ANKS1B: variants seen among roughly 807,000 people sequenced by gnomAD.
The protein encoded by ANKS1B is ankyrin repeat and sterile alpha motif domain-containing protein 1B.
In ANKS1B, 36 loss-of-function variants were observed where a neutral mutation model predicts 148.3. The ratio of observed to expected loss-of-function variants is 0.24; its 90% confidence interval spans 0.19 to 0.32. ANKS1B has a LOEUF of 0.32. Ranked by LOEUF, ANKS1B falls within the 10% of genes least tolerant of loss-of-function variation. The pLI is 1.00. For missense variants in ANKS1B, 1,157 were observed against 1,542.6 expected (o/e 0.75, Z 4.19); for synonymous variants, 542 against 560.8 (o/e 0.97, Z 0.47).
At chr12:98,916,409 C>T (rs777876721) in intron 17 of ANKS1B, among the ~76,000 whole-genome samples, 3 of 152,186 alleles carry the variant, frequency 2.0e-5, no homozygotes, top group South Asian at 2.1e-4. Flanking sequence ...GTGGTGGAGG[C>T]GGCAGTCTAT....
At chr12:99,041,803 CA>C (rs2099959173) in intron 17 of ANKS1B, among the ~76,000 whole-genome samples, 1 of 152,084 alleles carries the variant, frequency 6.6e-6, no homozygotes, top group Admixed American at 6.5e-5. Flanking sequence ...GAGTTCACAA[CA>C]AGCCTAGGTA....
chr12:99,685,405 G>A (rs1235210380), intron 8 of ANKS1B, among the ~76,000 whole-genome samples: 1 of 152,034 alleles, frequency 6.6e-6, no homozygotes, highest in East Asian at 1.9e-4. Flanking sequence ...CCAGAAGAAT[G>A]GCCATAATTA....
Position 99,545,422 on chromosome 12 carries a change from A to G in ANKS1B, c.1273-40781T>C, listed in dbSNP as rs76671304. On this transcript the variant is annotated intron_variant, in intron 9 of 26. Transcript: ENST00000683438. ...CTAAAAGGCGAAGCAAAACATAGAC[A>G]ATATCCCCTTGAATGATTCATAATA... Among the ~76,000 whole-genome samples the G allele has an allele frequency of 7.9e-5, 12 of 152,276 alleles. No individual in the cohort carries two copies. The East Asian group carries it at 2.3e-3, about 29-fold the overall frequency.
chr12:99,722,427 G>A (rs2058176573), intron 8 of ANKS1B, among the ~76,000 whole-genome samples: 2 of 152,202 alleles, frequency 1.3e-5, no homozygotes, highest in Non-Finnish European at 2.9e-5. Flanking sequence ...TAAGAACGAT[G>A]TTAAATGTAC....
At chr12:99,723,221 C>T (rs1023025414) in intron 8 of ANKS1B, among the ~76,000 whole-genome samples, 1 of 152,212 alleles carries the variant, frequency 6.6e-6, no homozygotes, top group Non-Finnish European at 1.5e-5. Context: ...CAGCAGCCAG[C>T]ACTGGGACTG....
Position 99,694,493 on chromosome 12 carries a change from A to G in ANKS1B, c.1129-39283T>C, listed in dbSNP as rs188822261. Among the ~76,000 whole-genome samples the G allele has an allele frequency of 6.1e-4, 93 of 152,092 alleles. No homozygotes were observed. The East Asian group carries it at 0.012, about 20-fold the overall frequency. On this transcript the variant is annotated intron_variant, in intron 8 of 26. Transcript: ENST00000683438. ...GGATGGACTTACCCTCTATTTTCCA[A>G]CCATCTGTAATATTTCTATATGGAG...
At chr12:99,127,344 T>A (rs1282400078) in intron 15 of ANKS1B, among the ~76,000 whole-genome samples, 2 of 152,128 alleles carry the variant, frequency 1.3e-5, no homozygotes, top group Non-Finnish European at 2.9e-5. Context: ...GATTACTTTT[T>A]TTTTTAAAGC....
rs190652206 is a variant in ANKS1B, at chr12:98,896,648, A to G, written c.2779-64512T>C. Reference sequence around the variant, plus strand: ...AGACTAGATGTCTAATTCACTTGCTATACATGTAACATGTAAAATAAAAAA... The same window carrying G: ...AGACTAGATGTCTAATTCACTTGCTGTACATGTAACATGTAAAATAAAAAA... On this transcript the variant is annotated intron_variant, in intron 17 of 26. Coordinates refer to ENST00000683438, the MANE Select transcript of ANKS1B (RefSeq NM_001352186.2). 1.7e-3 allele frequency among the ~76,000 whole-genome samples: 257 copies of G among 152,384 alleles called. 1 individual carries two copies. Among genetic ancestry groups the G allele is most frequent in the Non-Finnish European group, 2.8e-3 (189 of 68,034 alleles).
chr12:99,555,533 G>A lies in ANKS1B; in HGVS notation c.1273-50892C>T, dbSNP rs552996253. Among the ~76,000 whole-genome samples the A allele has an allele frequency of 3.3e-4, 51 of 152,254 alleles. No individual in the cohort carries two copies. In the East Asian group the frequency reaches 6.9e-3, roughly 21 times the overall value. ...TCTTGTTTCAGTTCTCAAGGGTTAT[G>A]CTTCTAGCTTTTGTGCATTCAGTAT... On this transcript the variant is annotated intron_variant, in intron 9 of 26. Coordinates refer to ENST00000683438, the MANE Select transcript of ANKS1B (RefSeq NM_001352186.2).
chr12:99,211,725 T>C (rs946506038), intron 14 of ANKS1B, among the ~76,000 whole-genome samples: 2 of 152,156 alleles, frequency 1.3e-5, no homozygotes, highest in African/African-American at 4.8e-5. Flanking sequence ...TGACATCAAG[T>C]GGAGGGCAAG....
At chr12:98,959,432 G>T (rs745584040) in intron 17 of ANKS1B, among the ~76,000 whole-genome samples, 4 of 152,140 alleles carry the variant, frequency 2.6e-5, no homozygotes, top group Non-Finnish European at 5.9e-5. Context: ...AAGGCCCACA[G>T]CCCCTTAGCT....
At chr12:99,423,871 A>C (rs1313448608) in intron 11 of ANKS1B, among the ~76,000 whole-genome samples, 1 of 152,138 alleles carries the variant, frequency 6.6e-6, no homozygotes, top group Non-Finnish European at 1.5e-5. Flanking sequence ...GAGGATCAGG[A>C]AAAATAGCTA....
At chr12:99,314,390 C>T (rs142417759) in intron 12 of ANKS1B, among the ~76,000 whole-genome samples, 3 of 152,320 alleles carry the variant, frequency 2.0e-5, no homozygotes, top group East Asian at 3.9e-4. Flanking sequence ...CTAACATCGA[C>T]ATTCTTCACA....
intron 17 of ANKS1B, among the ~76,000 whole-genome samples, chr12:98,955,567 C>T (rs2099860839): frequency 6.6e-6 from 1 of 152,210 alleles, no homozygotes; most frequent in South Asian, 2.1e-4. Flanking sequence ...TGGCTTAGAC[C>T]AGGGAGGCAG....
chr12:99,291,624 C>T (rs1223104357), intron 12 of ANKS1B, among the ~76,000 whole-genome samples: 1 of 152,040 alleles, frequency 6.6e-6, no homozygotes, highest in Non-Finnish European at 1.5e-5. Flanking sequence ...ACAAAAGTGC[C>T]AAGAAAACAC....
chr12:99,459,521 T>C (rs2095910593), intron 10 of ANKS1B, among the ~76,000 whole-genome samples: 1 of 152,038 alleles, frequency 6.6e-6, no homozygotes, highest in Non-Finnish European at 1.5e-5. Context: ...TAAAGGCTTA[T>C]ACAAAAAGTT....
chr12:98,738,650 A>G (rs1330981420), intron 9 of ANKS1B, among the ~76,000 whole-genome samples: 1 of 152,216 alleles, frequency 6.6e-6, no homozygotes, highest in Non-Finnish European at 1.5e-5. Flanking sequence ...CTAGAATCCA[A>G]ATCTGCTATT....
intron 17 of ANKS1B, among the ~76,000 whole-genome samples, chr12:99,003,434 C>T (rs1285093798): frequency 3.3e-5 from 5 of 152,054 alleles, no homozygotes; most frequent in Non-Finnish European, 5.9e-5. Context: ...GTGGATACTT[C>T]CACAATAATA....
At chr12:98,813,941 C>T (rs150911172) in intron 19 of ANKS1B, among the ~76,000 whole-genome samples, 1,638 of 152,056 alleles carry the variant, frequency 0.011, 32 homozygotes, top group African/African-American at 0.038. Context: ...AGTGCAGTAG[C>T]GTGGTCTTGG....
Sources: allele counts gnomAD v4.1 joint callset (sites outside exome capture counted in the v4.1 genomes callset), GRCh38; gene constraint gnomAD v4.1.1; transcripts MANE v1.5; gene names NCBI Gene and HGNC (gene_info 2026-07-23, HGNC 2026-07-21).